CREB5: variants seen among roughly 807,000 people sequenced by gnomAD.
The protein encoded by CREB5 is cyclic AMP-responsive element-binding protein 5.
Under a neutral mutation model 57.1 loss-of-function variants are expected in CREB5, and 19 were observed. The observed-to-expected ratio is 0.33, with a 90% CI of 0.23 to 0.49. The LOEUF is 0.49. Ranked by LOEUF, CREB5 falls within the 20% of genes least tolerant of loss-of-function variation. The pLI is 0.99. For missense variants in CREB5, 579 were observed against 671.6 expected, an observed-to-expected ratio of 0.86 and a Z score of 1.52; for synonymous variants, 238 against 238.3, an observed-to-expected ratio of 1.00 and a Z score of 0.01.
intron 4 of CREB5, among the ~76,000 whole-genome samples, chr7:28,527,245 A>G (rs1793488132): frequency 6.6e-6 from 1 of 152,226 alleles, no homozygotes; most frequent in Non-Finnish European, 1.5e-5. Flanking sequence ...GCCCAGTAAG[A>G]ACCCATCCTG....
At chr7:28,792,471 C>A (rs773811018) in intron 7 of CREB5, among the ~76,000 whole-genome samples, 1 of 152,128 alleles carries the variant, frequency 6.6e-6, no homozygotes, top group African/African-American at 2.4e-5. Flanking sequence ...GATTTGGATG[C>A]GTATCAGCTC....
Position 28,604,691 on chromosome 7 carries a change from G to A in CREB5, c.464+34154G>A, listed in dbSNP as rs577378305. Among the ~76,000 whole-genome samples the A allele has an allele frequency of 4.6e-5, 7 of 151,894 alleles. No homozygotes were observed. The South Asian group carries it at 1.5e-3, about 32-fold the overall frequency. On this transcript the variant is annotated intron_variant, in intron 5 of 10. Coordinates refer to ENST00000357727, the MANE Select transcript of CREB5 (RefSeq NM_182898.4). ...AGCCCTCTCTGTATTTCTTCTTGATGTATATCATGTTGATTGTTTTCTGTT... is the reference window on the plus strand; with the variant it reads ...AGCCCTCTCTGTATTTCTTCTTGATATATATCATGTTGATTGTTTTCTGTT...
At position 28,534,680 on chromosome 7, in the gene CREB5, T is replaced by C. The variant is rs574512959; in HGVS notation, c.291+26943T>C. On this transcript the variant is annotated intron_variant, in intron 4 of 10. Coordinates refer to ENST00000357727, the MANE Select transcript of CREB5 (RefSeq NM_182898.4). Reference sequence around the variant, plus strand: ...CATTTACCTTACTTTCCTTCACTTATGCTTGTTTAAAAACCCTGGATTTTC... The same window carrying C: ...CATTTACCTTACTTTCCTTCACTTACGCTTGTTTAAAAACCCTGGATTTTC... Among the ~76,000 whole-genome samples, 8 of 144,072 alleles carry C rather than the reference T, an allele frequency of 5.6e-5. No individual in the cohort carries two copies. In the South Asian group the frequency reaches 1.7e-3, roughly 31 times the overall value. The allele number at this position is 144,072 out of a possible 152,430, so 94.5% of individuals were successfully genotyped here. A position where few individuals can be genotyped will look rare whatever the true frequency, so the allele number is the denominator to read the frequency against.
Position 28,724,135 on chromosome 7 carries a change from C to A in CREB5, c.592-87C>A. 4.5e-6 allele frequency: 5 copies of A among 1,123,536 alleles called. No individual in the cohort carries two copies. The South Asian group carries it at 4.5e-5, about 10-fold the overall frequency. The allele number at this position is 1,123,536 out of a possible 1,614,324, so 69.6% of individuals were successfully genotyped here. The stretch of plus-strand genomic sequence containing the variant: ...AGGATTTCTTCAAAGAAATACTAAA[C>A]GATCCATTGGACAGAAAAGTGCAGC... On this transcript the variant is annotated intron_variant, in intron 6 of 10. Transcript: ENST00000357727.
rs537835350 is a variant in CREB5 at position 28,757,488 on chromosome 7, C to T, written c.702+33156C>T. Among the ~76,000 whole-genome samples the T allele has an allele frequency of 9.2e-5, 14 of 151,992 alleles. 1 individual carries two copies. In the South Asian group the frequency reaches 1.0e-3, roughly 11 times the overall value. Reference sequence around the variant, plus strand: ...GAGATCGAGACCATCCTGGCTAACGCGGTGAAACCCCGTCTCTACTAAAAA... The same window carrying T: ...GAGATCGAGACCATCCTGGCTAACGTGGTGAAACCCCGTCTCTACTAAAAA... On this transcript the variant is annotated intron_variant, in intron 7 of 10. Coordinates refer to ENST00000357727, the MANE Select transcript of CREB5 (RefSeq NM_182898.4).
At chr7:28,401,537 A>G (rs1787464322) in intron 1 of CREB5, among the ~76,000 whole-genome samples, 2 of 152,212 alleles carry the variant, frequency 1.3e-5, no homozygotes, top group Non-Finnish European at 1.5e-5. Context: ...TACATTAGGT[A>G]TATCTCCTAA....
At chr7:28,552,172 G>A (rs1794698736) in intron 4 of CREB5, among the ~76,000 whole-genome samples, 1 of 152,034 alleles carries the variant, frequency 6.6e-6, no homozygotes, top group Admixed American at 6.6e-5. Flanking sequence ...TCCCAAGTTG[G>A]GATTACAGGC....
At chr7:28,431,043 G>A (rs1046580581) in intron 1 of CREB5, among the ~76,000 whole-genome samples, 1 of 152,116 alleles carries the variant, frequency 6.6e-6, no homozygotes, top group African/African-American at 2.4e-5. Flanking sequence ...TACTACTGGG[G>A]GCTTTCCATA....
chr7:28,366,461 C>T (rs1484472330), intron 1 of CREB5, among the ~76,000 whole-genome samples: 1 of 152,126 alleles, frequency 6.6e-6, no homozygotes, highest in Non-Finnish European at 1.5e-5. Context: ...TATTGTGAGA[C>T]AGAGTTCAGC....
chr7:28,725,814 T>C (rs1287459519), intron 7 of CREB5, among the ~76,000 whole-genome samples: 1 of 152,228 alleles, frequency 6.6e-6, no homozygotes, highest in Non-Finnish European at 1.5e-5. Flanking sequence ...AATCTTCTTA[T>C]CTGCTTCAGG....
intron 1 of CREB5, among the ~76,000 whole-genome samples, chr7:28,459,384 C>A (rs879804052): frequency 2.6e-5 from 4 of 152,088 alleles, no homozygotes; most frequent in Non-Finnish European, 1.5e-5. Context: ...GCAAAGGAAC[C>A]CTTTTCCTTT....
At chr7:28,693,401 G>A (rs746796333) in intron 5 of CREB5, among the ~76,000 whole-genome samples, 1 of 152,186 alleles carries the variant, frequency 6.6e-6, no homozygotes, top group African/African-American at 2.4e-5. Flanking sequence ...TTGAAGTCAC[G>A]TTGGGCTGCA....
chr7:28,560,827 C>CGTGCGTGCGTGCGT (rs1562797026), intron 4 of CREB5, among the ~76,000 whole-genome samples: 1 of 89,024 alleles, frequency 1.1e-5, no homozygotes, highest in Admixed American at 1.1e-4. Context: ...TGTGTGCGCG[C>CGTGCGTGCGTGCGT]GCGCGCGTGT....
rs78203671 is a variant in CREB5, at chr7:28,568,773, G to A, written c.292-1592G>A. 4.6e-3 allele frequency among the ~76,000 whole-genome samples: 706 copies of A among 152,306 alleles called. 6 individuals are homozygous for A. Among genetic ancestry groups the A allele is most frequent in the African/African-American group, 0.016 (679 of 41,562 alleles). On this transcript the variant is annotated intron_variant, in intron 4 of 10. Transcript: ENST00000357727. ...TGACAAACTGTGTGGTCAGGATTTA[G>A]AAATCAGAAACCTGGGAAAGGTGCA...
chr7:28,368,245 G>A (rs1274813221), intron 1 of CREB5, among the ~76,000 whole-genome samples: 1 of 152,126 alleles, frequency 6.6e-6, no homozygotes, highest in Non-Finnish European at 1.5e-5. Context: ...GCCTTGGAAG[G>A]GGAGGTGAGG....
At chr7:28,433,629 A>G (rs1327902295) in intron 1 of CREB5, among the ~76,000 whole-genome samples, 2 of 152,150 alleles carry the variant, frequency 1.3e-5, no homozygotes, top group African/African-American at 4.8e-5. Context: ...GTGCCGCCAC[A>G]CCCGCCCAAA....
intron 5 of CREB5, among the ~76,000 whole-genome samples, chr7:28,652,466 A>T: frequency 6.6e-6 from 1 of 152,228 alleles, no homozygotes; most frequent in Non-Finnish European, 1.5e-5. Context: ...GAATATGATT[A>T]TGTGGTCTAT....
rs59192497 is a variant in CREB5 at position 28,611,489 on chromosome 7, T to TAAAAAAAAAA, written c.464+40970_464+40979dup. Among the ~76,000 whole-genome samples the TAAAAAAAAAA allele has an allele frequency of 1.2e-3, 56 of 47,984 alleles. 1 individual carries two copies. Among genetic ancestry groups the TAAAAAAAAAA allele is most frequent in the African/African-American group, 4.8e-3 (52 of 10,814 alleles). The allele number at this position is 47,984 out of a possible 152,430, so 31.5% of individuals were successfully genotyped here. A position where few individuals can be genotyped will look rare whatever the true frequency, so the allele number is the denominator to read the frequency against. On this transcript the variant is annotated intron_variant, in intron 5 of 10. Coordinates refer to ENST00000357727, the MANE Select transcript of CREB5 (RefSeq NM_182898.4). ...CAACATGGTGAAACCCCATCTCTAC[T>TAAAAAAAAAA]AAAAAAAAAAAAAAAAAAAAAAAAA...
chr7:28,560,891 TGTGTGC>T (rs1463485331), intron 4 of CREB5, among the ~76,000 whole-genome samples: 200 of 19,606 alleles, frequency 0.01, 2 homozygotes, highest in South Asian at 0.022. Context: ...TGCGTGCGTG[TGTGTGC>T]GTGCGCGCGT....
Sources: allele counts gnomAD v4.1 joint callset (sites outside exome capture counted in the v4.1 genomes callset), GRCh38; gene constraint gnomAD v4.1.1; transcripts MANE v1.5; gene names NCBI Gene and HGNC (gene_info 2026-07-23, HGNC 2026-07-21).